The following FRMPD2 variants were observed in gnomAD, a reference collection of about 807,000 sequenced individuals.
FRMPD2 encodes the protein FERM and PDZ domain containing 2.
In FRMPD2, 96 loss-of-function variants were observed where a neutral mutation model predicts 140.1. That is an observed-to-expected ratio of 0.69 (90% CI 0.58 to 0.81). The LOEUF (loss-of-function observed/expected upper bound fraction) is 0.81. FRMPD2 is among the 40% of genes least tolerant of loss of function. The pLI, the probability that FRMPD2 is intolerant of heterozygous loss-of-function variation, is 0.00. For missense variants in FRMPD2, 1,240 were observed against 1,447.4 expected, an observed-to-expected ratio of 0.86 and a Z score of 2.32; for synonymous variants, 449 against 547.6, an observed-to-expected ratio of 0.82 and a Z score of 2.52.
intron 1 of FRMPD2, among the ~76,000 whole-genome samples, chr10:48,255,337 C>T (rs1026989794): frequency 3.9e-5 from 6 of 152,198 alleles, no homozygotes; most frequent in Non-Finnish European, 8.8e-5. Context: ...CCTGTAGCAG[C>T]CCCTCTCCCT....
chr10:48,177,617 T>A (rs1162625825), intron 22 of FRMPD2: 1 of 168,384 alleles, frequency 5.9e-6, no homozygotes. Flanking sequence ...GGCCCTGGGA[T>A]GTCTGAGCAA....
chr10:48,255,574 C>G (rs994773358), intron 1 of FRMPD2, among the ~76,000 whole-genome samples: 1 of 152,098 alleles, frequency 6.6e-6, no homozygotes, highest in Admixed American at 6.5e-5. Flanking sequence ...AACAACCTAC[C>G]CTGAGAGTCA....
In FRMPD2 at chr10:48,177,084, C is replaced by T. The variant is rs577037835; in HGVS notation, c.2895+963G>A. Among the ~76,000 whole-genome samples, 258 of 151,030 alleles carry T rather than the reference C, an allele frequency of 1.7e-3. 1 individual carries two copies. Among genetic ancestry groups the T allele is most frequent in the African/African-American group, 5.9e-3 (241 of 40,970 alleles). ...ACATTCCTGAAATCCAGACCCATTC[C>T]AGGGTCTGAAGGTAATGGATCACTT... On this transcript the variant is annotated intron_variant, in intron 22 of 28. Transcript: ENST00000374201.
chr10:48,186,646 T>A (rs1289717275), intron 17 of FRMPD2, among the ~76,000 whole-genome samples: 1 of 152,188 alleles, frequency 6.6e-6, no homozygotes, highest in African/African-American at 2.4e-5. Context: ...TAAGTCCAAT[T>A]AAACCTCTTT....
chr10:48,235,448 A>G (rs1478056375), intron 9 of FRMPD2, among the ~76,000 whole-genome samples: 1 of 152,202 alleles, frequency 6.6e-6, no homozygotes, highest in Non-Finnish European at 1.5e-5. Flanking sequence ...ATGTCAGTGC[A>G]CTGCAACAGA....
intron 7 of FRMPD2, among the ~76,000 whole-genome samples, chr10:48,238,820 C>A (rs1018641917): frequency 1.3e-5 from 2 of 152,244 alleles, no homozygotes; most frequent in African/African-American, 4.8e-5. Flanking sequence ...GATCTGCACC[C>A]TTTGCAATCC....
intron 1 of FRMPD2, among the ~76,000 whole-genome samples, chr10:48,269,803 A>G (rs1189407646): frequency 2.0e-5 from 3 of 152,170 alleles, no homozygotes; most frequent in Admixed American, 2.0e-4. Flanking sequence ...GACCCAGGAG[A>G]CCTGCTGTAG....
chr10:48,243,290 A>G (rs1275707357), intron 4 of FRMPD2, among the ~76,000 whole-genome samples: 2 of 152,258 alleles, frequency 1.3e-5, no homozygotes, highest in Non-Finnish European at 2.9e-5. Context: ...GCACTAATGT[A>G]GAGGAAGGGG....
chr10:48,170,458 A>G (rs1564413591), intron 26 of FRMPD2, among the ~76,000 whole-genome samples: 1 of 152,092 alleles, frequency 6.6e-6, no homozygotes, highest in African/African-American at 2.4e-5. Context: ...AGGCCACAAC[A>G]TGCTCCCTTG....
At position 48,192,913 on chromosome 10, in the gene FRMPD2, A is replaced by G; in HGVS notation, c.1955-19T>C. 1 of 1,557,134 alleles carries G rather than the reference A, an allele frequency of 6.4e-7. No individual in the cohort carries two copies. Among genetic ancestry groups the G allele is most frequent in the Non-Finnish European group, 8.8e-7 (1 of 1,131,542 alleles). ...TCATGGTCTGAATTTGGGGAGAAAA[A>G]CATAGACATACACACACACAAGAAT... On this transcript the variant is annotated intron_variant, in intron 15 of 28. Transcript: ENST00000374201.
chr10:48,219,034 C>T (rs1425306647), intron 12 of FRMPD2, among the ~76,000 whole-genome samples: 1 of 152,116 alleles, frequency 6.6e-6, no homozygotes, highest in Non-Finnish European at 1.5e-5. Context: ...AGAGGGTCCA[C>T]TTGTGGGGCC....
intron 12 of FRMPD2, among the ~76,000 whole-genome samples, chr10:48,219,572 A>G (rs1839533243): frequency 6.6e-6 from 1 of 152,164 alleles, no homozygotes; most frequent in Non-Finnish European, 1.5e-5. Flanking sequence ...TGGGCAAGAG[A>G]TGAGGGAAGT....
intron 9 of FRMPD2, among the ~76,000 whole-genome samples, chr10:48,236,073 T>C (rs1229779382): frequency 6.6e-6 from 1 of 152,094 alleles, no homozygotes; most frequent in Admixed American, 6.5e-5. Context: ...TTTTTGTTTT[T>C]TTTTTTTGCA....
chr10:48,210,586 T>G (rs1297263978), intron 13 of FRMPD2, among the ~76,000 whole-genome samples: 1 of 152,184 alleles, frequency 6.6e-6, no homozygotes, highest in Non-Finnish European at 1.5e-5. Flanking sequence ...CTGTGACCAC[T>G]CATTATCAGA....
At chr10:48,245,932 T>C (rs914955128) in intron 3 of FRMPD2, among the ~76,000 whole-genome samples, 1 of 152,250 alleles carries the variant, frequency 6.6e-6, no homozygotes, top group African/African-American at 2.4e-5. Flanking sequence ...CAAGTGGTTT[T>C]AGTTTTTGGT....
intron 2 of FRMPD2, among the ~76,000 whole-genome samples, chr10:48,250,224 A>G (rs1270910221): frequency 6.6e-6 from 1 of 152,122 alleles, no homozygotes. Flanking sequence ...TGCCTGGGCC[A>G]TGACTGCAGA....
chr10:48,207,769 T>C (rs1839233939), intron 13 of FRMPD2, among the ~76,000 whole-genome samples: 1 of 152,130 alleles, frequency 6.6e-6, no homozygotes, highest in African/African-American at 2.4e-5. Flanking sequence ...TCAGAAGGGT[T>C]GTATTGCTGA....
intron 12 of FRMPD2, among the ~76,000 whole-genome samples, chr10:48,214,814 C>A (rs1839408768): frequency 6.6e-6 from 1 of 151,914 alleles, no homozygotes; most frequent in Admixed American, 6.6e-5. Flanking sequence ...GGGTGAATAC[C>A]CCACAATACA....
chr10:48,194,663 G>A (rs1838912864), intron 15 of FRMPD2, among the ~76,000 whole-genome samples: 1 of 152,158 alleles, frequency 6.6e-6, no homozygotes, highest in African/African-American at 2.4e-5. Flanking sequence ...GCTGGAGAGT[G>A]CCTGGAGCCT....
Sources: allele counts gnomAD v4.1 joint callset (sites outside exome capture counted in the v4.1 genomes callset), GRCh38; gene constraint gnomAD v4.1.1; transcripts MANE v1.5; gene names NCBI Gene and HGNC (gene_info 2026-07-23, HGNC 2026-07-21).